CTNNA3: variants seen among roughly 807,000 people sequenced by gnomAD.
The protein encoded by CTNNA3 is catenin alpha-3.
CTNNA3 carries 76 observed loss-of-function variants against 95.7 expected under a neutral mutation model. The ratio of observed to expected loss-of-function variants is 0.79; its 90% CI spans 0.66 to 0.96. The LOEUF is 0.96. CTNNA3 is among the 40% of genes least tolerant of loss of function. CTNNA3 has a pLI of 0.00. For missense variants in CTNNA3, 1,191 were observed against 1,089.8 expected (o/e 1.09, Z -1.31); for synonymous variants, 431 against 374.4 (o/e 1.15, Z -1.74).
chr10:66,163,646 A>G (rs1299603871), intron 13 of CTNNA3, among the ~76,000 whole-genome samples: 1 of 151,930 alleles, frequency 6.6e-6, no homozygotes, highest in African/African-American at 2.4e-5. Context: ...CTTGCAGTTG[A>G]TTTCACTTCT....
chr10:67,151,125 G>A (rs993901194), intron 7 of CTNNA3, among the ~76,000 whole-genome samples: 2 of 151,700 alleles, frequency 1.3e-5, no homozygotes, highest in African/African-American at 4.8e-5. Context: ...TTTTTTTCAA[G>A]ACCATGTTTC....
At position 66,441,199 on chromosome 10, in the gene CTNNA3, A is replaced by T. The variant is rs976777788; in HGVS notation, c.1532-61847T>A. On this transcript the variant is annotated intron_variant, in intron 11 of 17. Coordinates refer to ENST00000433211, the MANE Select transcript of CTNNA3 (RefSeq NM_013266.4). The stretch of plus-strand genomic sequence containing the variant: ...TATTTAATCATTTTAAAATAATTTT[A>T]AAAAATCAACACTAATGGTTGCTTT... 7.5e-5 allele frequency among the ~76,000 whole-genome samples: 11 copies of T among 147,240 alleles called. No individual in the cohort carries two copies. In the South Asian group the frequency reaches 1.2e-3, roughly 16 times the overall value.
At chr10:67,458,786 C>T (rs927215699) in intron 5 of CTNNA3, among the ~76,000 whole-genome samples, 1 of 152,164 alleles carries the variant, frequency 6.6e-6, no homozygotes, top group African/African-American at 2.4e-5. Flanking sequence ...ATGAGAACAG[C>T]ATGGAGGAAA....
Position 67,116,740 on chromosome 10 carries a change from AT to A in CTNNA3, c.1047+63576del, listed in dbSNP as rs909537653. Among the ~76,000 whole-genome samples, 150 of 146,842 alleles carry A rather than the reference AT, an allele frequency of 1.0e-3. 1 individual carries two copies. The highest frequency in any genetic ancestry group is 3.5e-3 in the African/African-American group (143 of 40,434). ...TTTGAAAATATATATATATATATAT[AT>A]ATAATATATAAAATATGCTTTATGA... On this transcript the variant is annotated intron_variant, in intron 7 of 17. Coordinates refer to ENST00000433211, the MANE Select transcript of CTNNA3 (RefSeq NM_013266.4).
intron 10 of CTNNA3, among the ~76,000 whole-genome samples, chr10:66,548,541 C>A (rs968555598): frequency 4.3e-4 from 66 of 152,128 alleles, no homozygotes; most frequent in African/African-American, 1.5e-3. Context: ...TATCATTATT[C>A]CATTAGATGT....
intron 14 of CTNNA3, among the ~76,000 whole-genome samples, chr10:66,070,893 A>G (rs2080421636): frequency 6.6e-6 from 1 of 152,158 alleles, no homozygotes; most frequent in Non-Finnish European, 1.5e-5. Context: ...TACAACAGAC[A>G]TTTACCTCTG....
intron 7 of CTNNA3, among the ~76,000 whole-genome samples, chr10:66,978,546 A>ATAAAAAT (rs1465025333): frequency 3.3e-4 from 24 of 71,732 alleles, no homozygotes; most frequent in Admixed American, 5.7e-4. Flanking sequence ...AAAAAAAAAA[A>ATAAAAAT]AAAAAAATAT....
chr10:66,037,355 A>G (rs1443447754), intron 15 of CTNNA3, among the ~76,000 whole-genome samples: 1 of 152,202 alleles, frequency 6.6e-6, no homozygotes, highest in African/African-American at 2.4e-5. Flanking sequence ...GATCTCTTAC[A>G]TTGAATCCAA....
At chr10:66,622,313 A>G (rs1482000789) in intron 9 of CTNNA3, among the ~76,000 whole-genome samples, 3 of 152,160 alleles carry the variant, frequency 2.0e-5, no homozygotes, top group Non-Finnish European at 4.4e-5. Flanking sequence ...ATTTTCCACT[A>G]CAACTTCATG....
intron 7 of CTNNA3, among the ~76,000 whole-genome samples, chr10:67,112,380 A>G (rs963152164): frequency 1.3e-5 from 2 of 151,954 alleles, no homozygotes; most frequent in African/African-American, 4.8e-5. Flanking sequence ...GAATTTATCC[A>G]TATCTTAAGT....
chr10:67,426,908 T>C (rs1294468330), intron 5 of CTNNA3, among the ~76,000 whole-genome samples: 1 of 152,014 alleles, frequency 6.6e-6, no homozygotes, highest in African/African-American at 2.4e-5. Flanking sequence ...TTATGATACA[T>C]GCTGAAAATT....
chr10:66,188,460 A>G (rs1053158023), intron 13 of CTNNA3, among the ~76,000 whole-genome samples: 1 of 151,568 alleles, frequency 6.6e-6, no homozygotes, highest in Non-Finnish European at 1.5e-5. Context: ...TCCATATATA[A>G]GTGAGATCAG....
intron 10 of CTNNA3, among the ~76,000 whole-genome samples, chr10:66,572,098 T>C (rs1166551159): frequency 2.0e-5 from 3 of 151,872 alleles, no homozygotes; most frequent in Non-Finnish European, 4.4e-5. Flanking sequence ...AATCCAGATA[T>C]GAGGCCGGGA....
chr10:67,122,142 A>G (rs1823537883), intron 7 of CTNNA3, among the ~76,000 whole-genome samples: 1 of 152,082 alleles, frequency 6.6e-6, no homozygotes, highest in African/African-American at 2.4e-5. Context: ...GGCTATAGAT[A>G]GCGTCTTTCC....
chr10:67,145,992 A>T (rs1860824440), intron 7 of CTNNA3, among the ~76,000 whole-genome samples: 1 of 152,150 alleles, frequency 6.6e-6, no homozygotes, highest in Non-Finnish European at 1.5e-5. Context: ...AATATATTTC[A>T]ATTGTTGTCA....
intron 7 of CTNNA3, among the ~76,000 whole-genome samples, chr10:67,102,698 C>A (rs906059405): frequency 3.3e-5 from 5 of 151,884 alleles, no homozygotes; most frequent in African/African-American, 9.6e-5. Context: ...GATAAAGGAA[C>A]CTTGAAATTG....
At chr10:66,433,401 G>A (rs1475686231) in intron 11 of CTNNA3, among the ~76,000 whole-genome samples, 1 of 152,162 alleles carries the variant, frequency 6.6e-6, no homozygotes, top group Non-Finnish European at 1.5e-5. Flanking sequence ...AATGATCAGT[G>A]ATAACAAGCT....
At chr10:66,349,212 C>A (rs2132385190) in intron 12 of CTNNA3, among the ~76,000 whole-genome samples, 1 of 152,140 alleles carries the variant, frequency 6.6e-6, no homozygotes, top group East Asian at 1.9e-4. Context: ...CTGACAGTGG[C>A]TTTTGGCAGA....
intron 5 of CTNNA3, among the ~76,000 whole-genome samples, chr10:67,514,796 C>T (rs1438490466): frequency 1.3e-5 from 2 of 148,720 alleles, no homozygotes; most frequent in East Asian, 2.1e-4. Flanking sequence ...AAAGAATTAA[C>T]TTGTTTCAAT....
Sources: gnomAD v4.1 joint callset for allele counts (sites outside exome capture counted in the v4.1 genomes callset) on GRCh38, gnomAD v4.1.1 for gene constraint, MANE v1.5 for transcripts, NCBI Gene and HGNC (gene_info 2026-07-23, HGNC 2026-07-21) for gene names.